The following TRIM33 variants were observed in gnomAD, a reference collection of about 807,000 sequenced individuals.
TRIM33 encodes E3 ubiquitin-protein ligase TRIM33.
A neutral mutation model predicts 125.4 loss-of-function variants in TRIM33; 20 were observed. The ratio of observed to expected loss-of-function variants is 0.16; its 90% CI spans 0.11 to 0.23. TRIM33 has a LOEUF of 0.23. TRIM33 is among the 10% of genes least tolerant of loss of function. The pLI is 1.00. For missense variants in TRIM33, 920 were observed against 1,411.4 expected (o/e 0.65, Z 5.58); for synonymous variants, 564 against 513.9 (o/e 1.10, Z -1.32).
chr1:114,444,492 ATAC>A (rs991409180), intron 4 of TRIM33, among the ~76,000 whole-genome samples: 3 of 152,204 alleles, frequency 2.0e-5, no homozygotes, highest in African/African-American at 7.2e-5. Flanking sequence ...TTAAAGGACT[ATAC>A]CCTGGAGTAA....
intron 1 of TRIM33, among the ~76,000 whole-genome samples, chr1:114,505,210 G>C (rs1652923357): frequency 6.6e-6 from 1 of 152,198 alleles, no homozygotes; most frequent in Non-Finnish European, 1.5e-5. Context: ...GTTGTGAGAA[G>C]TATTTCAGCA....
At position 114,510,930 on chromosome 1, in the gene TRIM33, TTCC is replaced by T. The variant is rs746877490; in HGVS notation, c.144_146del (p.Glu49del). 668 of 1,407,294 alleles carry T rather than the reference TTCC, an allele frequency of 4.7e-4. No individual in the cohort carries two copies. The highest frequency in any genetic ancestry group is 2.1e-3 in the South Asian group (138 of 66,868). The allele number at this position is 1,407,294 out of a possible 1,614,324, so 87.2% of individuals were successfully genotyped here. A position where few individuals can be genotyped will look rare whatever the true frequency, so the allele number is the denominator to read the frequency against. On this transcript the variant is annotated inframe_deletion, in exon 1 of 20. Coordinates refer to ENST00000358465, the MANE Select transcript of TRIM33 (RefSeq NM_015906.4). ...CGCCCTCAGCGCCGGCCCTGCCGCC[TTCC>T]TCCTCCTCCTCCTCCACCAGCACCG...
intron 1 of TRIM33, among the ~76,000 whole-genome samples, chr1:114,466,841 C>T (rs201152691): frequency 6.6e-6 from 1 of 152,234 alleles, no homozygotes; most frequent in Non-Finnish European, 1.5e-5. Flanking sequence ...GACCGATCTG[C>T]TCGCCTTGGC....
At chr1:114,481,066 G>C (rs1185624079) in intron 1 of TRIM33, among the ~76,000 whole-genome samples, 1 of 152,056 alleles carries the variant, frequency 6.6e-6, no homozygotes, top group Non-Finnish European at 1.5e-5. Flanking sequence ...CAGCTACTCG[G>C]GAGGCTGAGA....
At chr1:114,470,531 C>G (rs922852595) in intron 1 of TRIM33, among the ~76,000 whole-genome samples, 1 of 152,094 alleles carries the variant, frequency 6.6e-6, no homozygotes, top group African/African-American at 2.4e-5. Flanking sequence ...TCAGGCCACC[C>G]TAATGCCTGA....
chr1:114,421,645 AAAG>A lies in TRIM33; in HGVS notation c.1861-12_1861-10del. On this transcript the variant is annotated splice_polypyrimidine_tract_variant and intron_variant, in intron 10 of 19. Transcript: ENST00000358465. Reference sequence around the variant, plus strand: ...TGCCCTGGGTTTGAGTGCTAATAAGAAAGAAGACATTATCATTACTTGATCTGC... The same window carrying A: ...TGCCCTGGGTTTGAGTGCTAATAAGAAAGACATTATCATTACTTGATCTGC... The A allele has an allele frequency of 3.1e-6, 5 of 1,613,588 alleles. No individual in the cohort carries two copies. Among genetic ancestry groups the A allele is most frequent in the Non-Finnish European group, 4.2e-6 (5 of 1,179,516 alleles).
At chr1:114,458,554 C>T (rs1248825454) in intron 4 of TRIM33, among the ~76,000 whole-genome samples, 1 of 152,160 alleles carries the variant, frequency 6.6e-6, no homozygotes, top group Non-Finnish European at 1.5e-5. Flanking sequence ...CCCAAGCAAT[C>T]AGCAGCACCC....
At chr1:114,424,965 TC>T (rs1354497227) in intron 9 of TRIM33, among the ~76,000 whole-genome samples, 3 of 139,286 alleles carry the variant, frequency 2.2e-5, no homozygotes, top group Non-Finnish European at 3.2e-5. Flanking sequence ...TCTCTCTCTC[TC>T]TTACCTGTTC....
chr1:114,490,933 G>GT, intron 1 of TRIM33: 1 of 152,156 alleles, frequency 6.6e-6, no homozygotes, highest in Middle Eastern at 3.2e-3. Context: ...ATTTCGATTT[G>GT]TAAGAAATGT....
At chr1:114,447,470 G>C (rs1045179512) in intron 4 of TRIM33, among the ~76,000 whole-genome samples, 1 of 152,148 alleles carries the variant, frequency 6.6e-6, no homozygotes, top group African/African-American at 2.4e-5. Context: ...GTGATCAGTA[G>C]TTGAGTTTTG....
At chr1:114,459,526 T>G (rs1263771051) in intron 4 of TRIM33, among the ~76,000 whole-genome samples, 1 of 152,198 alleles carries the variant, frequency 6.6e-6, no homozygotes, top group East Asian at 1.9e-4. Context: ...TCTCAGCTAC[T>G]GGTGAGGCTG....
chr1:114,481,347 A>C (rs1249386614), intron 1 of TRIM33, among the ~76,000 whole-genome samples: 1 of 152,164 alleles, frequency 6.6e-6, no homozygotes, highest in Non-Finnish European at 1.5e-5. Flanking sequence ...TAATCCTAGC[A>C]CTTTGGGAAG....
intron 4 of TRIM33, among the ~76,000 whole-genome samples, chr1:114,442,044 A>G (rs1346097179): frequency 6.6e-6 from 1 of 152,218 alleles, no homozygotes; most frequent in East Asian, 1.9e-4. Context: ...CCAAATACTC[A>G]GTATCAGTCT....
chr1:114,440,687 A>C (rs554964439), intron 4 of TRIM33, among the ~76,000 whole-genome samples: 40 of 152,338 alleles, frequency 2.6e-4, no homozygotes, highest in Non-Finnish European at 5.4e-4. Context: ...CAGTTTAGAC[A>C]TAAAGAGAGT....
chr1:114,473,618 G>A (rs1650791892), intron 1 of TRIM33, among the ~76,000 whole-genome samples: 1 of 152,060 alleles, frequency 6.6e-6, no homozygotes, highest in East Asian at 1.9e-4. Flanking sequence ...AATGAGTCAG[G>A]GTGGAGCATG....
chr1:114,441,168 G>A (rs1187142866), intron 4 of TRIM33, among the ~76,000 whole-genome samples: 1 of 152,156 alleles, frequency 6.6e-6, no homozygotes, highest in Non-Finnish European at 1.5e-5. Context: ...AAATGACTGG[G>A]GGTGGTGGCA....
intron 15 of TRIM33, among the ~76,000 whole-genome samples, chr1:114,404,082 T>G (rs969778180): frequency 2.0e-5 from 3 of 152,212 alleles, no homozygotes; most frequent in Non-Finnish European, 2.9e-5. Context: ...CATGGAGATA[T>G]ATAGAGAGAT....
intron 11 of TRIM33, among the ~76,000 whole-genome samples, chr1:114,414,989 ATT>A (rs56960865): frequency 2.9e-4 from 30 of 104,698 alleles, no homozygotes; most frequent in East Asian, 7.3e-4. Flanking sequence ...GGTAGATTCT[ATT>A]TTTTTTTTTT....
intron 17 of TRIM33, among the ~76,000 whole-genome samples, chr1:114,400,616 G>A (rs1651813860): frequency 6.6e-6 from 1 of 152,216 alleles, no homozygotes; most frequent in South Asian, 2.1e-4. Flanking sequence ...ATTACTGCTT[G>A]TACAAAACAT....
Sources: allele counts gnomAD v4.1 joint callset (sites outside exome capture counted in the v4.1 genomes callset), GRCh38; gene constraint gnomAD v4.1.1; transcripts MANE v1.5; gene names NCBI Gene and HGNC (gene_info 2026-07-23, HGNC 2026-07-21).